The following CBX5 variants were observed in gnomAD, a reference collection of about 807,000 sequenced individuals.
The protein encoded by CBX5 is chromobox protein homolog 5.
Under a neutral mutation model 20.7 loss-of-function variants are expected in CBX5, and 7 were observed. The observed-to-expected ratio is 0.34, with a 90% CI of 0.19 to 0.63. CBX5 has a LOEUF of 0.63. CBX5 is among the 30% of genes least tolerant of loss of function. The pLI is 0.75. For synonymous variants in CBX5, 78 were observed against 77.0 expected (o/e 1.01, Z -0.07); for missense variants, 110 against 224.1 (o/e 0.49, Z 3.25).
intron 1 of CBX5, chr12:54,274,406 G>A (rs1944040180): frequency 6.6e-6 from 1 of 152,156 alleles, no homozygotes; most frequent in Non-Finnish European, 1.5e-5. Context: ...CAGAGTCCGA[G>A]TTCACGAATA....
chr12:54,241,909 G>T lies in CBX5; in HGVS notation c.426-4C>A. On this transcript the variant is annotated splice_region_variant and splice_polypyrimidine_tract_variant and intron_variant, in intron 4 of 4. Coordinates refer to ENST00000209875, the MANE Select transcript of CBX5 (RefSeq NM_012117.3). The stretch of plus-strand genomic sequence containing the variant: ...GTCAGCTTCATCTGTGTCTTTCCTG[G>T]AGAGAAAGAATATGAGACTTAAAAG... 1 of 1,611,592 alleles carries T rather than the reference G, an allele frequency of 6.2e-7. No individual in the cohort carries two copies. Among genetic ancestry groups the T allele is most frequent in the Non-Finnish European group, 8.5e-7 (1 of 1,179,404 alleles).
chr12:54,257,006 G>C (rs1943867840), intron 2 of CBX5, among the ~76,000 whole-genome samples: 1 of 152,164 alleles, frequency 6.6e-6, no homozygotes, highest in Non-Finnish European at 1.5e-5. Flanking sequence ...TGGGATTACA[G>C]GGACCTGCCA....
Position 54,243,517 on chromosome 12 carries a change from C to T in CBX5, c.426-1612G>A, listed in dbSNP as rs182058234. Among the ~76,000 whole-genome samples the T allele has an allele frequency of 1.7e-4, 26 of 150,920 alleles. 1 individual carries two copies. Among genetic ancestry groups the T allele is most frequent in the Middle Eastern group, 3.5e-3 (1 of 284 alleles). ...GCAAGGCTGCAGTGAGCTGTGATTA[C>T]GCCACTGCACTCCAGCCTGGGTGAC... On this transcript the variant is annotated intron_variant, in intron 4 of 4. Transcript: ENST00000209875.
intron 1 of CBX5, among the ~76,000 whole-genome samples, chr12:54,260,220 G>T (rs1203171121): frequency 6.6e-6 from 1 of 150,990 alleles, no homozygotes; most frequent in Non-Finnish European, 1.5e-5. Context: ...GCCAGGTGCA[G>T]TGGCTCATGC....
In CBX5 at chr12:54,237,165, C is replaced by T; in HGVS notation, c.*4590G>A. On this transcript the variant is annotated 3_prime_UTR_variant, in exon 5 of 5. Coordinates refer to ENST00000209875, the MANE Select transcript of CBX5 (RefSeq NM_012117.3). ...AGAGTGGACCAAAACTGGATTTTGT[C>T]CATGGCAACACTGTTCTCCACTATT... is the stretch of plus-strand genomic sequence containing the variant. The T allele has an allele frequency of 6.6e-6, 1 of 152,252 alleles. No individual in the cohort carries two copies. The highest frequency in any genetic ancestry group is 2.1e-4 in the South Asian group (1 of 4,814). The allele number at this position is 152,252 out of a possible 1,614,324, so 9.4% of individuals were successfully genotyped here. A position where few individuals can be genotyped will look rare whatever the true frequency, so the allele number is the denominator to read the frequency against.
In CBX5 at chr12:54,231,105, T is replaced by C. The variant is rs1441061506; in HGVS notation, c.*10650A>G. ...CATTTACATTTAAAAGGTGAACATA[T>C]ATATAGACCACTTATACTTTAAAAA... On this transcript the variant is annotated 3_prime_UTR_variant, in exon 5 of 5. Coordinates refer to ENST00000209875, the MANE Select transcript of CBX5 (RefSeq NM_012117.3). 1 of 152,028 alleles carries C rather than the reference T, an allele frequency of 6.6e-6. No homozygotes were observed. Among genetic ancestry groups the C allele is most frequent in the Non-Finnish European group, 1.5e-5 (1 of 68,016 alleles). 9.4% of individuals were successfully genotyped at this position (152,028 alleles called of 1,614,324 possible).
intron 1 of CBX5, among the ~76,000 whole-genome samples, chr12:54,268,665 A>G (rs1373914514): frequency 6.6e-6 from 1 of 152,228 alleles, no homozygotes; most frequent in East Asian, 1.9e-4. Context: ...AGTCTATTCC[A>G]GTTTCCAATT....
At position 54,239,022 on chromosome 12, in the gene CBX5, C is replaced by G. The variant is rs1943650573; in HGVS notation, c.*2733G>C. 1 of 152,184 alleles carries G rather than the reference C, an allele frequency of 6.6e-6. No individual in the cohort carries two copies. The highest frequency in any genetic ancestry group is 1.5e-5 in the Non-Finnish European group (1 of 68,032). The allele number at this position is 152,184 out of a possible 1,614,324, so 9.4% of individuals were successfully genotyped here. ...AACATCTACTCAACACTAACAAATG[C>G]TGGAAGCAGGCATCTGATTTCCTTT... On this transcript the variant is annotated 3_prime_UTR_variant, in exon 5 of 5. Coordinates refer to ENST00000209875, the MANE Select transcript of CBX5 (RefSeq NM_012117.3).
At chr12:54,260,160 CAAAAAAAAAA>C (rs368171294) in intron 1 of CBX5, among the ~76,000 whole-genome samples, 1 of 74,992 alleles carries the variant, frequency 1.3e-5, no homozygotes, top group East Asian at 3.8e-4. Flanking sequence ...AAACAACAAC[CAAAAAAAAAA>C]AAAAAAAAAA....
chr12:54,245,901 C>A (rs1358851457), intron 4 of CBX5, among the ~76,000 whole-genome samples: 1 of 152,126 alleles, frequency 6.6e-6, no homozygotes, highest in Non-Finnish European at 1.5e-5. Flanking sequence ...TCACTTGAAC[C>A]CAGGAGGCGG....
intron 4 of CBX5, among the ~76,000 whole-genome samples, chr12:54,244,516 T>C (rs1943713312): frequency 6.6e-6 from 1 of 151,708 alleles, no homozygotes; most frequent in Admixed American, 6.6e-5. Flanking sequence ...GGCAGGCAGA[T>C]TGCTTGAGGT....
rs1943614367 is a variant in CBX5, at chr12:54,235,701, G to A, written c.*6054C>T. The stretch of plus-strand genomic sequence containing the variant: ...TCAGGTATTAACAGATGTGCTCCAA[G>A]ACTTCTCTTTAGAAAATCTCTTGTC... On this transcript the variant is annotated 3_prime_UTR_variant, in exon 5 of 5. Transcript: ENST00000209875. The A allele has an allele frequency of 6.6e-6, 1 of 152,192 alleles. No homozygotes were observed. The highest frequency in any genetic ancestry group is 1.5e-5 in the Non-Finnish European group (1 of 68,032). 9.4% of individuals were successfully genotyped at this position (152,192 alleles called of 1,614,324 possible).
At position 54,240,473 on chromosome 12, in the gene CBX5, T is replaced by C. The variant is rs1052887365; in HGVS notation, c.*1282A>G. ...AACTTCTGGCTTCAAGCAATTCTCC[T>C]GCCTCAGCCTCCCAAAGTGCTGGGA... is the stretch of plus-strand genomic sequence containing the variant. On this transcript the variant is annotated 3_prime_UTR_variant, in exon 5 of 5. Transcript: ENST00000209875. 2 of 152,174 alleles carry C rather than the reference T, an allele frequency of 1.3e-5. No individual in the cohort carries two copies. Among genetic ancestry groups the C allele is most frequent in the African/African-American group, 4.8e-5 (2 of 41,442 alleles). 9.4% of individuals were successfully genotyped at this position (152,174 alleles called of 1,614,324 possible). A position where few individuals can be genotyped will look rare whatever the true frequency, so the allele number is the denominator to read the frequency against.
Position 54,236,575 on chromosome 12 carries a change from T to G in CBX5, c.*5180A>C, listed in dbSNP as rs1179396209. 6.6e-6 allele frequency: 1 copy of G among 152,228 alleles called. No homozygotes were observed. The highest frequency in any genetic ancestry group is 6.5e-5 in the Admixed American group (1 of 15,282). 9.4% of individuals were successfully genotyped at this position (152,228 alleles called of 1,614,324 possible). ...ACACTGGCTCCAGACCTTTCCTCTC[T>G]GCCTTGCCACAGGCATGCTTGGTGG... On this transcript the variant is annotated 3_prime_UTR_variant, in exon 5 of 5. Transcript: ENST00000209875.
intron 2 of CBX5, among the ~76,000 whole-genome samples, chr12:54,252,943 C>A (rs368732103): frequency 2.3e-4 from 34 of 148,740 alleles, no homozygotes; most frequent in African/African-American, 8.0e-4. Context: ...TGAGATTGTG[C>A]CACTCCTGCC....
At chr12:54,271,283 G>A (rs1262726611) in intron 1 of CBX5, among the ~76,000 whole-genome samples, 1 of 152,082 alleles carries the variant, frequency 6.6e-6, no homozygotes, top group Non-Finnish European at 1.5e-5. Flanking sequence ...TTACTGAGAG[G>A]CACTGAAATT....
intron 1 of CBX5, among the ~76,000 whole-genome samples, chr12:54,277,453 C>T (rs1208413545): frequency 1.3e-5 from 2 of 152,182 alleles, no homozygotes; most frequent in Non-Finnish European, 2.9e-5. Flanking sequence ...GATCCACCCG[C>T]CTCGGCCTCC....
At chr12:54,269,903 T>C (rs950158071) in intron 1 of CBX5, among the ~76,000 whole-genome samples, 1 of 152,166 alleles carries the variant, frequency 6.6e-6, no homozygotes, top group African/African-American at 2.4e-5. Context: ...TAAGTGAGTT[T>C]TGGTAGTTTG....
intron 3 of CBX5, among the ~76,000 whole-genome samples, chr12:54,249,631 G>A (rs906337214): frequency 6.6e-6 from 1 of 152,024 alleles, no homozygotes; most frequent in Admixed American, 6.6e-5. Flanking sequence ...ACCACAAAAG[G>A]CTTCATAACC....
Sources: allele counts gnomAD v4.1 joint callset (sites outside exome capture counted in the v4.1 genomes callset), GRCh38; gene constraint gnomAD v4.1.1; transcripts MANE v1.5; gene names NCBI Gene and HGNC (gene_info 2026-07-23, HGNC 2026-07-21).